ADGRL2: variants seen among roughly 807,000 people sequenced by gnomAD.
ADGRL2 encodes the protein calcium-independent alpha-latrotoxin receptor 2.
ADGRL2 carries 44 observed loss-of-function variants against 157.4 expected under a neutral mutation model. The ratio of observed to expected loss-of-function variants is 0.28; its 90% CI spans 0.22 to 0.36. The LOEUF (loss-of-function observed/expected upper bound fraction) is 0.36, where lower values mean the gene tolerates loss of function less well. ADGRL2 is among the 10% of genes least tolerant of loss of function. The probability of loss-of-function intolerance (pLI) is 1.00; values close to 1 mark genes in which losing one functional copy is unlikely to be tolerated. For missense variants in ADGRL2, 1,510 were observed against 1,768.9 expected, an observed-to-expected ratio of 0.85 and a Z score of 2.63; for synonymous variants, 585 against 624.7, an observed-to-expected ratio of 0.94 and a Z score of 0.95.
At chr1:81,956,887 G>C (rs1048396622) in intron 11 of ADGRL2, among the ~76,000 whole-genome samples, 1 of 152,140 alleles carries the variant, frequency 6.6e-6, no homozygotes, top group East Asian at 1.9e-4. Flanking sequence ...TTACTATCTG[G>C]AATGCCATAT....
chr1:81,720,661 A>G (rs935148694), intron 1 of ADGRL2, among the ~76,000 whole-genome samples: 4 of 152,146 alleles, frequency 2.6e-5, no homozygotes, highest in African/African-American at 9.7e-5. Context: ...AATTTCAGTT[A>G]TACAAATTTT....
At position 81,447,862 on chromosome 1, in the gene ADGRL2, C is replaced by T. The variant is rs541352242; in HGVS notation, c.-248+2773C>T. Among the ~76,000 whole-genome samples the T allele has an allele frequency of 2.6e-5, 4 of 152,180 alleles. No individual in the cohort carries two copies. In the South Asian group the frequency reaches 8.3e-4, roughly 32 times the overall value. ...TGGGCCTAGTGGGAAGTGATCTGAT[C>T]ATGGGGGTAGATCCTCCATGAACGG... On this transcript the variant is annotated intron_variant, in intron 2 of 24. Coordinates refer to the ADGRL2 transcript ENST00000370721.
In ADGRL2 at chr1:81,467,897, T is replaced by C. The variant is rs1194840966; in HGVS notation, c.-248+22808T>C. ...TGAAGTATAAATTAATCTTTTCAAA[T>C]TAAAAAAAAATCAGAATTGAAATTA... On this transcript the variant is annotated intron_variant, in intron 2 of 24. Transcript: ENST00000370721. Among the ~76,000 whole-genome samples, 7 of 152,026 alleles carry C rather than the reference T, an allele frequency of 4.6e-5. No homozygotes were observed. The East Asian group carries it at 1.4e-3, about 29-fold the overall frequency.
chr1:81,322,381 T>C (rs986023111), intron 1 of ADGRL2, among the ~76,000 whole-genome samples: 2 of 151,856 alleles, frequency 1.3e-5, no homozygotes, highest in Non-Finnish European at 2.9e-5. Flanking sequence ...TACTTAGGAA[T>C]AAAGGTAACA....
chr1:81,625,653 A>G (rs138961613), intron 3 of ADGRL2: 2 of 152,248 alleles, frequency 1.3e-5, no homozygotes, highest in African/African-American at 4.8e-5. Context: ...AAGCTGTCTT[A>G]CCCCTTTAGA....
chr1:81,900,990 G>A (rs972197121), intron 2 of ADGRL2, among the ~76,000 whole-genome samples: 2 of 152,256 alleles, frequency 1.3e-5, no homozygotes, highest in South Asian at 2.1e-4. Context: ...TGAGGGCAGA[G>A]ATTCTGCATA....
At chr1:81,519,400 G>T (rs963064878) in intron 2 of ADGRL2, among the ~76,000 whole-genome samples, 2 of 151,756 alleles carry the variant, frequency 1.3e-5, no homozygotes, top group Non-Finnish European at 2.9e-5. Context: ...CATTACTATT[G>T]AATGACCCAG....
chr1:81,421,263 G>T (rs188191662), intron 1 of ADGRL2, among the ~76,000 whole-genome samples: 31 of 152,260 alleles, frequency 2.0e-4, no homozygotes, highest in Admixed American at 1.9e-3. Context: ...AATTTGCTGG[G>T]TTTGTTTTAC....
intron 2 of ADGRL2, among the ~76,000 whole-genome samples, chr1:81,488,516 C>T (rs920342115): frequency 7.2e-6 from 1 of 138,180 alleles, no homozygotes; most frequent in Non-Finnish European, 1.5e-5. Flanking sequence ...GCCTGTGCAA[C>T]ATGGCAAAAC....
intron 3 of ADGRL2, among the ~76,000 whole-genome samples, chr1:81,913,015 G>T (rs1403942594): frequency 3.3e-5 from 5 of 152,054 alleles, no homozygotes; most frequent in African/African-American, 1.2e-4. Flanking sequence ...AGAACTTTAG[G>T]TATAGTTTAA....
intron 1 of ADGRL2, among the ~76,000 whole-genome samples, chr1:81,398,482 A>G (rs1391453400): frequency 6.6e-6 from 1 of 151,558 alleles, no homozygotes; most frequent in Non-Finnish European, 1.5e-5. Flanking sequence ...TCTACCAGTG[A>G]ATTTTATACT....
intron 2 of ADGRL2, chr1:81,505,156 C>G (rs952764523): frequency 2.1e-6 from 1 of 486,162 alleles, no homozygotes; most frequent in African/African-American, 1.9e-5. Context: ...CTCTGCTCAA[C>G]TGCGTCTTCT....
At chr1:81,667,614 T>C (rs1233691134) in intron 3 of ADGRL2, among the ~76,000 whole-genome samples, 3 of 152,168 alleles carry the variant, frequency 2.0e-5, no homozygotes, top group Admixed American at 1.3e-4. Context: ...GTGAAAAAAT[T>C]AGATATAATT....
chr1:81,990,379 C>A lies in ADGRL2; in HGVS notation c.3656-12C>A, dbSNP rs765686797. 6.2e-7 allele frequency: 1 copy of A among 1,607,586 alleles called. No individual in the cohort carries two copies. Among genetic ancestry groups the A allele is most frequent in the East Asian group, 2.2e-5 (1 of 44,760 alleles). On this transcript the variant is annotated splice_polypyrimidine_tract_variant and intron_variant, in intron 23 of 23. Transcript: ENST00000686636. ...AGAGACAGTAATGATAACTCCCCCT[C>A]TTCTGTTTCAGGACATTCACTGAAC...
chr1:81,648,226 T>C (rs542286954), intron 3 of ADGRL2, among the ~76,000 whole-genome samples: 25 of 152,266 alleles, frequency 1.6e-4, no homozygotes, highest in African/African-American at 4.8e-4. Context: ...AGAACCGCCT[T>C]TCTATCAGCA....
At chr1:81,780,985 G>A (rs193272649) in intron 2 of ADGRL2, among the ~76,000 whole-genome samples, 1 of 152,228 alleles carries the variant, frequency 6.6e-6, no homozygotes, top group African/African-American at 2.4e-5. Flanking sequence ...ATTTGTTAAA[G>A]GGTTAAATAT....
chr1:81,636,914 C>T (rs1356895688), intron 3 of ADGRL2, among the ~76,000 whole-genome samples: 1 of 152,192 alleles, frequency 6.6e-6, no homozygotes, highest in East Asian at 1.9e-4. Context: ...TAGCTCACTG[C>T]AAGCTGTGCT....
intron 2 of ADGRL2, among the ~76,000 whole-genome samples, chr1:81,786,959 G>A (rs906545854): frequency 6.6e-6 from 1 of 152,112 alleles, no homozygotes; most frequent in Non-Finnish European, 1.5e-5. Context: ...GGAGGGACCC[G>A]GTAGGAGATA....
At chr1:81,536,710 A>G (rs2079746700) in intron 2 of ADGRL2, among the ~76,000 whole-genome samples, 2 of 152,128 alleles carry the variant, frequency 1.3e-5, no homozygotes, top group African/African-American at 4.8e-5. Context: ...GATCAGACTT[A>G]TAGTTAGAAT....
Sources: gnomAD v4.1 joint callset for allele counts (sites outside exome capture counted in the v4.1 genomes callset) on GRCh38, gnomAD v4.1.1 for gene constraint, MANE v1.5 for transcripts, NCBI Gene and HGNC (gene_info 2026-07-23, HGNC 2026-07-21) for gene names.